The following KCNIP1 variants were observed in gnomAD, a reference collection of about 807,000 sequenced individuals.
The protein encoded by KCNIP1 is A-type potassium channel modulatory protein KCNIP1.
KCNIP1 carries 18 observed loss-of-function variants against 33.0 expected under a neutral mutation model. The observed-to-expected ratio is 0.55, with a 90% confidence interval of 0.38 to 0.81. The LOEUF is 0.81. Ranked by LOEUF, KCNIP1 falls within the 30% of genes least tolerant of loss-of-function variation. The pLI is 0.00. For missense variants in KCNIP1, 238 were observed against 271.6 expected (o/e 0.88, Z 0.87); for synonymous variants, 93 against 98.3 (o/e 0.95, Z 0.32).
In KCNIP1 at chr5:170,367,413, GAAAGAAAGGAAA is replaced by G. The variant is rs1394595149; in HGVS notation, c.88+13450_88+13461del. 1.4e-4 allele frequency among the ~76,000 whole-genome samples: 13 copies of G among 90,928 alleles called. No homozygotes were observed. In the East Asian group the frequency reaches 1.4e-3, roughly 10 times the overall value. The allele number at this position is 90,928 out of a possible 152,430, so 59.7% of individuals were successfully genotyped here. A position where few individuals can be genotyped will look rare whatever the true frequency, so the allele number is the denominator to read the frequency against. ...AGAAAGAAAGAAAGAAAGAAAGAAA[GAAAGAAAGGAAA>G]GAAAGAAAGAAAGGAAAGAAAGGAA... On this transcript the variant is annotated intron_variant, in intron 1 of 7. Transcript: ENST00000377360.
chr5:170,362,016 G>A (rs1240210563), intron 1 of KCNIP1, among the ~76,000 whole-genome samples: 1 of 152,150 alleles, frequency 6.6e-6, no homozygotes, highest in Non-Finnish European at 1.5e-5. Context: ...GATTTCAAAG[G>A]CCTCTTTCAG....
At chr5:170,374,083 G>C (rs79609272) in intron 1 of KCNIP1, among the ~76,000 whole-genome samples, 4 of 152,162 alleles carry the variant, frequency 2.6e-5, no homozygotes, top group African/African-American at 9.7e-5. Flanking sequence ...AGCCTGTGCT[G>C]CCAATGAACA....
chr5:170,532,795 T>C (rs1376442005), intron 1 of KCNIP1, among the ~76,000 whole-genome samples: 1 of 152,132 alleles, frequency 6.6e-6, no homozygotes, highest in Non-Finnish European at 1.5e-5. Flanking sequence ...TCACAGTCCC[T>C]TCTCCAGTGA....
At chr5:170,505,114 C>T (rs1754663239) in intron 1 of KCNIP1, among the ~76,000 whole-genome samples, 1 of 152,226 alleles carries the variant, frequency 6.6e-6, no homozygotes, top group Non-Finnish European at 1.5e-5. Context: ...AAAACCTCTG[C>T]AAGCCAAAAG....
chr5:170,657,731 G>A (rs1561746495), intron 1 of KCNIP1, among the ~76,000 whole-genome samples: 1 of 152,196 alleles, frequency 6.6e-6, no homozygotes, highest in Non-Finnish European at 1.5e-5. Context: ...TGCTGTAAGA[G>A]TGCATGTGTG....
rs544058727 is a variant in KCNIP1, at chr5:170,429,032, G to T, written c.88+75068G>T. On this transcript the variant is annotated intron_variant, in intron 1 of 7. Coordinates refer to the KCNIP1 transcript ENST00000377360. ...CTTGAACCCGGGAGGCAGAGGTTGC[G>T]GTGAGCCGAGATCGCGCCACTGCAC... is the stretch of plus-strand genomic sequence containing the variant. Among the ~76,000 whole-genome samples, 3 of 152,154 alleles carry T rather than the reference G, an allele frequency of 2.0e-5. No homozygotes were observed. In the East Asian group the frequency reaches 5.8e-4, roughly 29 times the overall value.
At chr5:170,725,922 C>T (rs1451936556) in intron 5 of KCNIP1, among the ~76,000 whole-genome samples, 2 of 152,122 alleles carry the variant, frequency 1.3e-5, no homozygotes, top group African/African-American at 4.8e-5. Context: ...AGCTGTATAT[C>T]CATTTGGAAA....
chr5:170,704,111 A>G lies in KCNIP1; in HGVS notation c.62-14647A>G, dbSNP rs189352974. On this transcript the variant is annotated intron_variant, in intron 1 of 7. Transcript: ENST00000328939. Reference sequence around the variant, plus strand: ...CACTTACGCCATGTTTTAAGGGTGGATAGGATTAGTGCCAGATGATCACAT... The same window carrying G: ...CACTTACGCCATGTTTTAAGGGTGGGTAGGATTAGTGCCAGATGATCACAT... Among the ~76,000 whole-genome samples the G allele has an allele frequency of 2.2e-5, 3 of 136,904 alleles. 1 individual carries two copies. The highest frequency in any genetic ancestry group is 8.0e-5 in the African/African-American group (3 of 37,416). 89.8% of individuals were successfully genotyped at this position (136,904 alleles called of 152,430 possible). A position where few individuals can be genotyped will look rare whatever the true frequency, so the allele number is the denominator to read the frequency against.
At chr5:170,483,709 G>C (rs760299919) in intron 1 of KCNIP1, 1 of 152,154 alleles carries the variant, frequency 6.6e-6, no homozygotes, top group African/African-American at 2.4e-5. Context: ...ACCTCCATGG[G>C]ATAAAAACGC....
intron 1 of KCNIP1, among the ~76,000 whole-genome samples, chr5:170,361,003 C>A (rs1213330650): frequency 1.3e-5 from 2 of 152,222 alleles, no homozygotes; most frequent in Non-Finnish European, 2.9e-5. Flanking sequence ...CAGTGACCAG[C>A]CAGAACGACC....
chr5:170,368,412 C>T (rs980046682), intron 1 of KCNIP1, among the ~76,000 whole-genome samples: 11 of 151,940 alleles, frequency 7.2e-5, no homozygotes, highest in African/African-American at 1.5e-4. Flanking sequence ...CTACAGGTGC[C>T]GGCCACCACA....
intron 1 of KCNIP1, among the ~76,000 whole-genome samples, chr5:170,416,620 T>C (rs981330933): frequency 3.4e-5 from 5 of 145,584 alleles, no homozygotes; most frequent in South Asian, 2.2e-4. Context: ...GGCCACTCAG[T>C]ATCTCCGGTG....
intron 1 of KCNIP1, among the ~76,000 whole-genome samples, chr5:170,643,641 G>A (rs1235429128): frequency 1.3e-5 from 2 of 152,260 alleles, no homozygotes; most frequent in Non-Finnish European, 2.9e-5. Flanking sequence ...CACGGCTGCT[G>A]TGAGCCTCTC....
intron 1 of KCNIP1, among the ~76,000 whole-genome samples, chr5:170,658,948 C>A (rs1761374113): frequency 6.6e-6 from 1 of 152,150 alleles, no homozygotes; most frequent in African/African-American, 2.4e-5. Flanking sequence ...AGATCACGAG[C>A]AGCCATCTAA....
chr5:170,451,993 A>ACTGT (rs4041731), intron 1 of KCNIP1, among the ~76,000 whole-genome samples: 97,056 of 151,414 alleles, frequency 0.64, 31,186 homozygotes, highest in South Asian at 0.69. Context: ...TGGAGTGGTA[A>ACTGT]CTGTAAGGCC....
At chr5:170,470,037 G>C (rs1445396792) in intron 1 of KCNIP1, among the ~76,000 whole-genome samples, 1 of 152,176 alleles carries the variant, frequency 6.6e-6, no homozygotes, top group Non-Finnish European at 1.5e-5. Flanking sequence ...GGCAGATAGT[G>C]GAATTGATAT....
Position 170,719,146 on chromosome 5 carries a change from C to A in KCNIP1, c.186+264C>A, listed in dbSNP as rs1763733306. Among the ~76,000 whole-genome samples the A allele has an allele frequency of 3.3e-5, 5 of 152,176 alleles. No individual in the cohort carries two copies. The South Asian group carries it at 1.0e-3, about 32-fold the overall frequency. ...ACATCCTCAAGGAATTCACCCTGGC[C>A]CAGGGTCAAGCCTTAGCCCTTAACA... On this transcript the variant is annotated intron_variant, in intron 2 of 7. Coordinates refer to ENST00000328939, the MANE Select transcript of KCNIP1 (RefSeq NM_014592.4).
rs143817476 is a variant in KCNIP1 at position 170,610,962 on chromosome 5, T to G, written c.61+106329T>G. 4.6e-5 allele frequency among the ~76,000 whole-genome samples: 7 copies of G among 152,366 alleles called. No homozygotes were observed. The East Asian group carries it at 1.4e-3, about 29-fold the overall frequency. ...CATTTGCCTTTAAACAGCTCTGCAC[T>G]GTAGTTATTATTACCCATTTTCTGC... On this transcript the variant is annotated intron_variant, in intron 1 of 7. Transcript: ENST00000328939.
chr5:170,721,925 T>A (rs187493627), intron 4 of KCNIP1, 22 bp downstream of exon 4: 5 of 1,613,478 alleles, frequency 3.1e-6, no homozygotes, highest in Non-Finnish European at 3.4e-6. Context: ...TGGGGTCCAC[T>A]CTAGGGGTCC....
Sources: allele counts gnomAD v4.1 joint callset (sites outside exome capture counted in the v4.1 genomes callset), GRCh38; gene constraint gnomAD v4.1.1; transcripts MANE v1.5; gene names NCBI Gene and HGNC (gene_info 2026-07-23, HGNC 2026-07-21).